ZFHX3: variants seen among roughly 807,000 people sequenced by gnomAD.
The protein encoded by ZFHX3 is zinc finger homeobox protein 3.
ZFHX3 carries 42 observed loss-of-function variants against 279.1 expected under a neutral mutation model. The observed-to-expected ratio is 0.15, with a 90% CI of 0.12 to 0.19. The LOEUF (loss-of-function observed/expected upper bound fraction) is 0.19, where lower values mean the gene tolerates loss of function less well. ZFHX3 is among the 10% of genes least tolerant of loss of function. ZFHX3 has a pLI of 1.00. For missense variants in ZFHX3, 4,981 were observed against 4,754.0 expected (o/e 1.05, Z -1.40); for synonymous variants, 2,293 against 1,957.8 (o/e 1.17, Z -4.52).
chr16:73,697,054 T>C (rs1397653118), intron 1 of ZFHX3, among the ~76,000 whole-genome samples: 1 of 152,210 alleles, frequency 6.6e-6, no homozygotes, highest in East Asian at 1.9e-4. Flanking sequence ...GGCAGTTATT[T>C]ATAAATTTTT....
In ZFHX3 at chr16:73,506,017, C is replaced by T. The variant is rs562106502; in HGVS notation, c.-1546-49759G>A. Reference sequence around the variant, plus strand: ...ATACTGAGAGACTCAGGGGATCACACGACAGCGGAAGGTGGGGTTCAGAGA... The same window carrying T: ...ATACTGAGAGACTCAGGGGATCACATGACAGCGGAAGGTGGGGTTCAGAGA... On this transcript the variant is annotated intron_variant, in intron 2 of 17. Transcript: ENST00000641206. 1.3e-4 allele frequency among the ~76,000 whole-genome samples: 20 copies of T among 152,314 alleles called. No individual in the cohort carries two copies. In the South Asian group the frequency reaches 3.5e-3, roughly 27 times the overall value.
rs2035779921 is a variant in ZFHX3, at chr16:72,793,361, C to T, written c.9321G>A (p.Gln3107=). The change falls in exon 9 of 10, where the codon CAG becomes CAA. Residue 3107 remains glutamine, a synonymous_variant. Transcript: ENST00000268489. This position sits in a 1 kb window ranked among gnomAD's most constrained non-coding sequence, Gnocchi z 4.3. ...GATATGCTGTAGGAAGGTTAAGGGC[C>T]TGAAGAGGGGTGTTGTCAAACATCC... The part of the protein sequence containing the change: ...QQGMFDNTPL[Q]ALNLPTAYPA... 6.2e-7 allele frequency: 1 copy of T among 1,614,178 alleles called. No homozygotes were observed. The highest frequency in any genetic ancestry group is 1.3e-5 in the African/African-American group (1 of 75,036).
At chr16:73,064,073 G>T (rs149392928), upstream of ZFHX3, among the ~76,000 whole-genome samples, 1 of 152,274 alleles carries the variant, frequency 6.6e-6, no homozygotes, top group East Asian at 1.9e-4. Context: ...TGGCATTTAG[G>T]ACGACAGCTC....
chr16:73,527,639 G>A (rs1052319755), intron 2 of ZFHX3, among the ~76,000 whole-genome samples: 3 of 152,308 alleles, frequency 2.0e-5, no homozygotes, highest in Non-Finnish European at 2.9e-5. Flanking sequence ...AAAAGGCTGT[G>A]GCTTCTGTCT....
At chr16:73,589,259 C>CAAAAAAAAAA (rs34481194) in intron 2 of ZFHX3, among the ~76,000 whole-genome samples, 1 of 30,934 alleles carries the variant, frequency 3.2e-5, no homozygotes, top group Non-Finnish European at 5.3e-5. Context: ...GATTCTGTCT[C>CAAAAAAAAAA]AAAAAAAAAA....
intron 1 of ZFHX3, among the ~76,000 whole-genome samples, chr16:73,682,897 AGAAAGAAAG>A (rs1407841871): frequency 3.4e-4 from 7 of 20,316 alleles, no homozygotes; most frequent in African/African-American, 1.0e-3. Context: ...AAAGAAAGAA[AGAAAGAAAG>A]AGAAAGAAAG....
chr16:73,576,431 T>C (rs541128620), intron 2 of ZFHX3, among the ~76,000 whole-genome samples: 1 of 152,220 alleles, frequency 6.6e-6, no homozygotes, highest in South Asian at 2.1e-4. Context: ...AGGATCTGAG[T>C]GATGGTCAAG....
At chr16:73,294,898 A>G (rs1046018864) in intron 4 of ZFHX3, among the ~76,000 whole-genome samples, 2 of 151,100 alleles carry the variant, frequency 1.3e-5, no homozygotes, top group Admixed American at 6.6e-5. Flanking sequence ...GTTTTCTTTC[A>G]TGGACGGATA....
chr16:72,939,729 A>G (rs1960317187), intron 3 of ZFHX3, among the ~76,000 whole-genome samples: 1 of 152,172 alleles, frequency 6.6e-6, no homozygotes, highest in Admixed American at 6.5e-5. Context: ...CTCTACTAAA[A>G]ACACAAAAAT....
At position 72,957,295 on chromosome 16, in the gene ZFHX3, C is replaced by T. The variant is rs1597013350; in HGVS notation, c.2719+132G>A. 33 of 1,023,144 alleles carry T rather than the reference C, an allele frequency of 3.2e-5. No individual in the cohort carries two copies. The East Asian group carries it at 7.5e-4, about 23-fold the overall frequency. The allele number at this position is 1,023,144 out of a possible 1,614,324, so 63.4% of individuals were successfully genotyped here. A position where few individuals can be genotyped will look rare whatever the true frequency, so the allele number is the denominator to read the frequency against. On this transcript the variant is annotated intron_variant, in intron 2 of 9. Transcript: ENST00000268489. ...TTCTTGAGAATACTTGATTGTAAGA[C>T]ACTCCAGTTTACACAAAAACCACTC...
chr16:73,236,529 CAG>C (rs1232333272), intron 5 of ZFHX3, among the ~76,000 whole-genome samples: 3 of 151,970 alleles, frequency 2.0e-5, no homozygotes, highest in Non-Finnish European at 4.4e-5. Context: ...GCCTGAGAGG[CAG>C]AGGTTGTAGT....
intron 3 of ZFHX3, among the ~76,000 whole-genome samples, chr16:73,407,735 A>G (rs2017389800): frequency 1.3e-5 from 2 of 152,342 alleles, no homozygotes; most frequent in East Asian, 3.9e-4. Flanking sequence ...TCTTTAATTC[A>G]TACACAAGGA....
intron 1 of ZFHX3, among the ~76,000 whole-genome samples, chr16:73,686,183 C>G (rs775565137): frequency 6.6e-6 from 1 of 152,130 alleles, no homozygotes; most frequent in Non-Finnish European, 1.5e-5. Context: ...ACAACCTCCA[C>G]CTCCCGGGTT....
At chr16:73,272,638 A>G (rs9940117) in intron 4 of ZFHX3, among the ~76,000 whole-genome samples, 104,143 of 151,982 alleles carry the variant, frequency 0.69, 36,718 homozygotes, top group African/African-American at 0.85. Context: ...GTGAGGTTGG[A>G]GAAAGTAAAA....
intron 1 of ZFHX3, among the ~76,000 whole-genome samples, chr16:73,017,551 C>T (rs916562517): frequency 2.0e-5 from 3 of 152,136 alleles, no homozygotes; most frequent in Non-Finnish European, 4.4e-5. Context: ...TCTTGGCTGC[C>T]GTCACGACTA....
intron 5 of ZFHX3, among the ~76,000 whole-genome samples, chr16:72,816,035 T>C (rs2036595684): frequency 6.6e-6 from 1 of 152,132 alleles, no homozygotes; most frequent in South Asian, 2.1e-4. Flanking sequence ...GAAAAGAAGA[T>C]AAAATGTGTA....
chr16:73,108,937 G>A (rs1470925750), intron 7 of ZFHX3, among the ~76,000 whole-genome samples: 3 of 152,246 alleles, frequency 2.0e-5, no homozygotes, highest in Non-Finnish European at 4.4e-5. Flanking sequence ...TGTTGGGGGC[G>A]TTTGCCAGCG....
intron 1 of ZFHX3, among the ~76,000 whole-genome samples, chr16:72,992,086 G>A (rs902475111): frequency 1.1e-4 from 17 of 152,168 alleles, no homozygotes; most frequent in Non-Finnish European, 1.5e-4. Flanking sequence ...AGAGGCTGTC[G>A]CCGAACTGAT....
At chr16:73,093,576 A>C (rs1966117937) in exon 8 of ZFHX3, 1 of 513,228 alleles carries the variant, frequency 1.9e-6, no homozygotes, top group South Asian at 1.4e-5. Flanking sequence ...CCTTGTCTTC[A>C]TCTTGGGCTA....
Sources: gnomAD v4.1 joint callset for allele counts (sites outside exome capture counted in the v4.1 genomes callset) on GRCh38, gnomAD v4.1.1 for gene constraint, Gnocchi (gnomAD v3.1) non-coding constraint, MANE v1.5 for transcripts, NCBI Gene and HGNC (gene_info 2026-07-23, HGNC 2026-07-21) for gene names.